Variants in CAND2 observed in about 807,000 individuals in gnomAD.
The protein encoded by CAND2 is cullin associated and neddylation dissociated 2 (putative).
CAND2 carries 62 observed loss-of-function variants against 98.9 expected under a neutral mutation model. That is an observed-to-expected ratio of 0.63 (90% CI 0.51 to 0.77). The LOEUF (loss-of-function observed/expected upper bound fraction) is 0.77. CAND2 is among the 30% of genes least tolerant of loss of function. The pLI, the probability that CAND2 is intolerant of heterozygous loss-of-function variation, is 0.00. For missense variants in CAND2, 1,501 were observed against 1,655.2 expected (o/e 0.91, Z 1.62); for synonymous variants, 770 against 731.9 (o/e 1.05, Z -0.84).
intron 4 of CAND2, among the ~76,000 whole-genome samples, chr3:12,809,576 G>A (rs796279832): frequency 9.9e-5 from 15 of 152,254 alleles, no homozygotes; most frequent in African/African-American, 3.4e-4. Context: ...TGCTGTGTGC[G>A]CAGAAACCAT....
At chr3:12,818,240 C>G (rs1041174064) in intron 10 of CAND2, among the ~76,000 whole-genome samples, 2 of 148,326 alleles carry the variant, frequency 1.3e-5, no homozygotes, top group African/African-American at 5.1e-5. Context: ...GCCTGGGCAA[C>G]ATGGTGAGAC....
At chr3:12,814,997 G>C in intron 7 of CAND2, 144 bp from the exon 8 acceptor site, 1 of 746,972 alleles carries the variant, frequency 1.3e-6, no homozygotes, top group Non-Finnish European at 2.1e-6. Context: ...GGTAGGGAAT[G>C]TTCCCCATAG....
At chr3:12,816,269 G>A in intron 9 of CAND2, 105 bp from the exon 10 acceptor site, 4 of 1,159,104 alleles carry the variant, frequency 3.5e-6, no homozygotes, top group Non-Finnish European at 4.9e-6. Context: ...GAGTTTAGGT[G>A]CTTCAGTCCA....
In CAND2 at chr3:12,796,760, A is replaced by AAGATGAC; in HGVS notation, c.41_47dup (p.Ser17AspfsTer49). 1 of 1,590,484 alleles carries AAGATGAC rather than the reference A, an allele frequency of 6.3e-7. No individual in the cohort carries two copies. Among genetic ancestry groups the AAGATGAC allele is most frequent in the South Asian group, 1.1e-5 (1 of 87,638 alleles). ...CTTCCACATCTCCAGCCTCCTGGAG[A>AAGATGAC]AGATGACGTCCAGCGACAAGGACTT... On this transcript the variant is annotated frameshift_variant, in exon 1 of 15. Transcript: ENST00000456430. LOFTEE classifies it high-confidence loss of function.
chr3:12,827,945 T>C (rs2062017416), intron 13 of CAND2, among the ~76,000 whole-genome samples: 1 of 150,398 alleles, frequency 6.6e-6, no homozygotes, highest in Non-Finnish European at 1.5e-5. Flanking sequence ...ATCACACCAC[T>C]GCACTCCAAC....
intron 4 of CAND2, among the ~76,000 whole-genome samples, chr3:12,808,926 C>G (rs9834343): frequency 0.023 from 3,462 of 152,104 alleles, 122 homozygotes; most frequent in African/African-American, 0.077. Flanking sequence ...GGTGGGTATG[C>G]AGAGCTGAGG....
In CAND2 at chr3:12,817,017, G is replaced by T; in HGVS notation, c.2085G>T (p.Val695=). The change falls in exon 10 of 15, where the codon GTG becomes GTT. Residue 695 remains valine (V), a synonymous_variant. Transcript: ENST00000456430. ...TCCCACCGTCTGCCGTGCAGGCCGT[G>T]CTGGCTGAGCTGCCTGCCCTGGTCA... ...LSLPPSAVQA[V]LAELPALVNE... 6.2e-7 allele frequency: 1 copy of T among 1,613,036 alleles called. No individual in the cohort carries two copies. Among genetic ancestry groups the T allele is most frequent in the South Asian group, 1.1e-5 (1 of 91,072 alleles).
At chr3:12,822,856 G>A (rs1436440897) in intron 11 of CAND2, among the ~76,000 whole-genome samples, 1 of 152,106 alleles carries the variant, frequency 6.6e-6, no homozygotes, top group African/African-American at 2.4e-5. Context: ...AAACACATAC[G>A]TGTATACATG....
At chr3:12,803,178 G>T (rs2061779080) in intron 1 of CAND2, among the ~76,000 whole-genome samples, 1 of 152,046 alleles carries the variant, frequency 6.6e-6, no homozygotes, top group Non-Finnish European at 1.5e-5. Context: ...TTGTTTAGTA[G>T]AGACTGGGTT....
chr3:12,808,427 C>T, intron 4 of CAND2, 94 bp downstream of exon 4: 2 of 1,379,128 alleles, frequency 1.5e-6, no homozygotes, highest in Non-Finnish European at 2.0e-6. Flanking sequence ...GCACACCAGG[C>T]CCTGTGCTTG....
chr3:12,806,237 G>A (rs766126992), intron 2 of CAND2, among the ~76,000 whole-genome samples: 10 of 152,208 alleles, frequency 6.6e-5, no homozygotes, highest in Non-Finnish European at 1.2e-4. Flanking sequence ...GAGCCCAGGA[G>A]TTTGAGGCTG....
rs377659954 is a variant in CAND2 at position 12,830,031 on chromosome 3, C to T, written c.3376-1434C>T. On this transcript the variant is annotated intron_variant, in intron 13 of 14. Coordinates refer to ENST00000456430, the MANE Select transcript of CAND2 (RefSeq NM_001162499.2). ...GGCTTCTAGGGTGGAGTGCATGTTC[C>T]TGCTAAAGCATCCGATGCGCGTGGT... 3.9e-5 allele frequency among the ~76,000 whole-genome samples: 6 copies of T among 152,282 alleles called. No individual in the cohort carries two copies. In the South Asian group the frequency reaches 1.2e-3, roughly 32 times the overall value.
chr3:12,816,977 G>A lies in CAND2; in HGVS notation c.2045G>A (p.Ser682Asn), dbSNP rs1000519062. Reference protein sequence around the residue: ...TLAALDALAQSQGLSLPPSAV... With the variant: ...TLAALDALAQNQGLSLPPSAV... Reference sequence around the variant, plus strand: ...GCAGCCCTGGACGCCCTGGCCCAGAGCCAGGGCCTCAGCCTCCCACCGTCT... The same window carrying A: ...GCAGCCCTGGACGCCCTGGCCCAGAACCAGGGCCTCAGCCTCCCACCGTCT... The change falls in exon 10 of 15, where the codon AGC (serine) becomes AAC (asparagine). Residue 682 changes from serine (S) to asparagine (N), a missense_variant. Physicochemically the swap from Ser to Asn is conservative, Grantham distance 46 (BLOSUM62 1). This residue lies in a region of CAND2 where 1,427 missense variants were observed against 1,545.3 expected (regional missense o/e 0.92). Transcript: ENST00000456430. 5 of 1,612,984 alleles carry A rather than the reference G, an allele frequency of 3.1e-6. No individual in the cohort carries two copies. Among genetic ancestry groups the A allele is most frequent in the Non-Finnish European group, 3.4e-6 (4 of 1,179,880 alleles).
chr3:12,811,172 C>T (rs935590167), intron 5 of CAND2, among the ~76,000 whole-genome samples: 1 of 152,192 alleles, frequency 6.6e-6, no homozygotes, highest in Admixed American at 6.5e-5. Flanking sequence ...CCCATTTCTC[C>T]CAAACAGCAG....
Position 12,819,460 on chromosome 3 carries a change from C to T in CAND2, c.2945-626C>T, listed in dbSNP as rs1026023762. Among the ~76,000 whole-genome samples, 15 of 152,232 alleles carry T rather than the reference C, an allele frequency of 9.9e-5. 1 individual carries two copies. Among genetic ancestry groups the T allele is most frequent in the Non-Finnish European group, 2.1e-4 (14 of 68,046 alleles). The stretch of plus-strand genomic sequence containing the variant: ...TCGTTTCCTTCATTAAGGGAATGTA[C>T]TTCCCCTCTTTACTGGGCTTCTCTA... On this transcript the variant is annotated intron_variant, in intron 10 of 14. Coordinates refer to ENST00000456430, the MANE Select transcript of CAND2 (RefSeq NM_001162499.2).
chr3:12,815,737 C>G lies in CAND2; in HGVS notation c.1300-130C>G, dbSNP rs934684774. On this transcript the variant is annotated intron_variant, in intron 8 of 14. Transcript: ENST00000456430. The surrounding 1 kb of genome is among the most constrained non-coding windows in gnomAD (Gnocchi z 5.7). The stretch of plus-strand genomic sequence containing the variant: ...CAAAAGCCTGGCACAGAGTGAGGGA[C>G]GAGTGCTTGGGAGATATCTTGATGC... 9 of 903,034 alleles carry G rather than the reference C, an allele frequency of 1.0e-5. No homozygotes were observed. Among genetic ancestry groups the G allele is most frequent in the Admixed American group, 2.6e-5 (1 of 38,486 alleles). 55.9% of individuals were successfully genotyped at this position (903,034 alleles called of 1,614,324 possible).
chr3:12,807,299 T>C lies in CAND2; in HGVS notation c.213-7T>C, dbSNP rs1471048786. 1 of 1,550,790 alleles carries C rather than the reference T, an allele frequency of 6.4e-7. No individual in the cohort carries two copies. The highest frequency in any genetic ancestry group is 8.7e-7 in the Non-Finnish European group (1 of 1,146,428). On this transcript the variant is annotated splice_region_variant and splice_polypyrimidine_tract_variant and intron_variant, in intron 2 of 14. Coordinates refer to ENST00000456430, the MANE Select transcript of CAND2 (RefSeq NM_001162499.2). ...CCCTTGGATTCACCTTCCCACTCCC[T>C]GCTCAGCCTGGGTCCTCTGGTGGTC...
At chr3:12,818,431 G>A (rs945427066) in intron 10 of CAND2, among the ~76,000 whole-genome samples, 2 of 152,258 alleles carry the variant, frequency 1.3e-5, no homozygotes, top group Admixed American at 1.3e-4. Context: ...AAGAGCAGAC[G>A]TCAGTATAGA....
intron 11 of CAND2, among the ~76,000 whole-genome samples, chr3:12,823,068 G>C (rs939499346): frequency 6.6e-6 from 1 of 152,034 alleles, no homozygotes; most frequent in African/African-American, 2.4e-5. Flanking sequence ...AAGAAACCCA[G>C]CTCCCATTAT....
Sources: gnomAD v4.1 joint callset for allele counts (sites outside exome capture counted in the v4.1 genomes callset) on GRCh38, gnomAD v4.1.1 for gene constraint, gnomAD v4.1.1 regional missense constraint, Gnocchi (gnomAD v3.1) non-coding constraint, MANE v1.5 for transcripts, NCBI Gene and HGNC (gene_info 2026-07-23, HGNC 2026-07-21) for gene names.